Variants in CARMIL1 observed in about 807,000 individuals in gnomAD.
The protein encoded by CARMIL1 is F-actin-uncapping protein LRRC16A.
A neutral mutation model predicts 177.1 loss-of-function variants in CARMIL1; 90 were observed. That is an observed-to-expected ratio of 0.51 (90% CI 0.43 to 0.61). The LOEUF (loss-of-function observed/expected upper bound fraction) is 0.61, where lower values mean the gene tolerates loss of function less well. Ranked by LOEUF, CARMIL1 falls within the 20% of genes least tolerant of loss-of-function variation. CARMIL1 has a pLI of 0.00. For synonymous variants in CARMIL1, 577 were observed against 606.2 expected, an observed-to-expected ratio of 0.95 and a Z score of 0.71; for missense variants, 1,380 against 1,667.0, an observed-to-expected ratio of 0.83 and a Z score of 3.00.
At chr6:25,363,944 G>T (rs1370637613) in intron 2 of CARMIL1, among the ~76,000 whole-genome samples, 2 of 151,200 alleles carry the variant, frequency 1.3e-5, no homozygotes, top group Non-Finnish European at 2.9e-5. Context: ...CTTCTCTCTC[G>T]TTTCTTTCTT....
At chr6:25,511,365 G>A (rs997294337) in intron 20 of CARMIL1, among the ~76,000 whole-genome samples, 25 of 152,078 alleles carry the variant, frequency 1.6e-4, no homozygotes, top group African/African-American at 5.3e-4. Context: ...GTTATTTTAT[G>A]GACAAAATAA....
chr6:25,473,298 C>T (rs961072486), intron 11 of CARMIL1, among the ~76,000 whole-genome samples: 4 of 152,180 alleles, frequency 2.6e-5, no homozygotes, highest in East Asian at 3.9e-4. Flanking sequence ...GACCCTTGAA[C>T]GACACAAGAG....
chr6:25,335,989 C>CATTGTTACTGCT (rs1786178606), intron 2 of CARMIL1, among the ~76,000 whole-genome samples: 1 of 152,062 alleles, frequency 6.6e-6, no homozygotes, highest in African/African-American at 2.4e-5. Flanking sequence ...CTGTGCTGGC[C>CATTGTTACTGCT]CAATGAAATA....
intron 2 of CARMIL1, among the ~76,000 whole-genome samples, chr6:25,347,267 T>C (rs1287774936): frequency 6.6e-6 from 1 of 152,232 alleles, no homozygotes; most frequent in Non-Finnish European, 1.5e-5. Context: ...ATTTATATTA[T>C]AGGCAAAAAG....
chr6:25,475,507 T>G (rs1188931006), intron 11 of CARMIL1, among the ~76,000 whole-genome samples: 1 of 152,136 alleles, frequency 6.6e-6, no homozygotes, highest in East Asian at 1.9e-4. Context: ...CAGAGACTTG[T>G]GAATGAATGT....
chr6:25,553,413 G>A (rs1182568864), intron 27 of CARMIL1, among the ~76,000 whole-genome samples: 1 of 152,148 alleles, frequency 6.6e-6, no homozygotes, highest in African/African-American at 2.4e-5. Context: ...ACTTTTTGCT[G>A]TGTGGACAAC....
At chr6:25,440,875 G>A (rs929293325) in intron 5 of CARMIL1, among the ~76,000 whole-genome samples, 2 of 151,854 alleles carry the variant, frequency 1.3e-5, no homozygotes, top group South Asian at 4.2e-4. Context: ...TCCTTGCTTA[G>A]GGTACCTCTG....
At chr6:25,464,074 G>A (rs1265875273) in intron 8 of CARMIL1, among the ~76,000 whole-genome samples, 4 of 151,804 alleles carry the variant, frequency 2.6e-5, no homozygotes, top group Non-Finnish European at 4.4e-5. Flanking sequence ...CGCCCGTCTC[G>A]GCCTCCCAAA....
chr6:25,485,727 G>T (rs1449561323), intron 12 of CARMIL1, among the ~76,000 whole-genome samples: 1 of 152,198 alleles, frequency 6.6e-6, no homozygotes, highest in Non-Finnish European at 1.5e-5. Context: ...GAGCCACCAT[G>T]CCTGGCCTGA....
chr6:25,390,989 A>G (rs532495710), intron 2 of CARMIL1, among the ~76,000 whole-genome samples: 1 of 152,262 alleles, frequency 6.6e-6, no homozygotes, highest in African/African-American at 2.4e-5. Context: ...GGTGTGAGCC[A>G]CTGTGCCCAG....
chr6:25,522,083 C>G (rs2151080797), intron 23 of CARMIL1, among the ~76,000 whole-genome samples: 1 of 152,320 alleles, frequency 6.6e-6, no homozygotes, highest in Non-Finnish European at 1.5e-5. Flanking sequence ...ATCAGTAACT[C>G]TACCATTGTG....
In CARMIL1 at chr6:25,551,138, C is replaced by A; in HGVS notation, c.2504+53C>A. ...GAGCTGCAGTTTCTGTAAATGCAGT[C>A]GAGGCAGCTGTAAAGAGGGTTATTG... On this transcript the variant is annotated intron_variant, in intron 27 of 36. Transcript: ENST00000329474. The A allele has an allele frequency of 3.5e-6, 5 of 1,435,490 alleles. No homozygotes were observed. In the South Asian group the frequency reaches 3.7e-5, roughly 11 times the overall value. The allele number at this position is 1,435,490 out of a possible 1,614,324, so 88.9% of individuals were successfully genotyped here. A position where few individuals can be genotyped will look rare whatever the true frequency, so the allele number is the denominator to read the frequency against.
chr6:25,550,653 A>G lies in CARMIL1; in HGVS notation c.2329-257A>G, dbSNP rs140458749. On this transcript the variant is annotated intron_variant, in intron 26 of 36. Transcript: ENST00000329474. ...TTGTGTTAAGTACAGCTGACACGCC[A>G]TAACACTTCAGATGCCAGCATGAAG... Among the ~76,000 whole-genome samples, 58 of 152,280 alleles carry G rather than the reference A, an allele frequency of 3.8e-4. 1 individual carries two copies. The East Asian group carries it at 7.1e-3, about 19-fold the overall frequency.
chr6:25,299,419 G>A (rs528433050), intron 2 of CARMIL1, among the ~76,000 whole-genome samples: 4 of 151,802 alleles, frequency 2.6e-5, no homozygotes, highest in South Asian at 2.1e-4. Flanking sequence ...TGATCTGCCC[G>A]CCTCGGCCTC....
chr6:25,414,889 C>A (rs12206709), intron 2 of CARMIL1, among the ~76,000 whole-genome samples: 15,692 of 152,162 alleles, frequency 0.1, 1,063 homozygotes, highest in Non-Finnish European at 0.15. Context: ...AAAGCCTGGG[C>A]TCCCTTATGA....
intron 17 of CARMIL1, among the ~76,000 whole-genome samples, chr6:25,502,164 G>A (rs1804441004): frequency 6.6e-6 from 1 of 151,032 alleles, no homozygotes; most frequent in Non-Finnish European, 1.5e-5. Context: ...TTACTGAGGG[G>A]CATGCCAATA....
At chr6:25,452,001 C>CCCCCCCCCA in intron 8 of CARMIL1, 1 of 232,314 alleles carries the variant, frequency 4.3e-6, no homozygotes, top group Non-Finnish European at 8.8e-6. Flanking sequence ...CCCCTCCCCC[C>CCCCCCCCCA]CCCAGAATAC....
intron 2 of CARMIL1, among the ~76,000 whole-genome samples, chr6:25,349,725 A>ATTT (rs67971403): frequency 1.8e-4 from 17 of 93,516 alleles, no homozygotes; most frequent in African/African-American, 5.0e-4. Flanking sequence ...CAGTCCCCTC[A>ATTT]TTTTTTTTTT....
intron 2 of CARMIL1, among the ~76,000 whole-genome samples, chr6:25,293,971 C>T (rs1782193259): frequency 6.6e-6 from 1 of 152,232 alleles, no homozygotes; most frequent in African/African-American, 2.4e-5. Context: ...ATCCACCTGC[C>T]TTGGCCTCCC....
Sources: allele counts gnomAD v4.1 joint callset (sites outside exome capture counted in the v4.1 genomes callset), GRCh38; gene constraint gnomAD v4.1.1; transcripts MANE v1.5; gene names NCBI Gene and HGNC (gene_info 2026-07-23, HGNC 2026-07-21).